The following CUBN variants were observed in gnomAD, a reference collection of about 807,000 sequenced individuals.
CUBN encodes the protein 460 kDa receptor.
A neutral mutation model predicts 405.3 loss-of-function variants in CUBN; 282 were observed. That is an observed-to-expected ratio of 0.70 (90% confidence interval 0.63 to 0.77). CUBN has a LOEUF of 0.77. CUBN is among the 30% of genes least tolerant of loss of function. The pLI, the probability that CUBN is intolerant of heterozygous loss-of-function variation, is 0.00. For missense variants in CUBN, 4,514 were observed against 4,475.2 expected, an observed-to-expected ratio of 1.01 and a Z score of -0.25; for synonymous variants, 1,684 against 1,617.0, an observed-to-expected ratio of 1.04 and a Z score of -0.99.
In CUBN at chr10:17,040,779, A is replaced by G. The variant is rs899099784; in HGVS notation, c.4017+254T>C. 4.6e-5 allele frequency among the ~76,000 whole-genome samples: 7 copies of G among 152,196 alleles called. No homozygotes were observed. In the South Asian group the frequency reaches 1.2e-3, roughly 27 times the overall value. ...AAATAGAGGTTATTACTCTCCTTCC[A>G]TGTAAGTTAAGTAATATGAGGTCAA... is the stretch of plus-strand genomic sequence containing the variant. On this transcript the variant is annotated intron_variant, in intron 27 of 66. Coordinates refer to ENST00000377833, the MANE Select transcript of CUBN (RefSeq NM_001081.4).
rs149758972 is a variant in CUBN, at chr10:17,071,930, G to C, written c.2343C>G (p.Asn781Lys). ...TGGATTTAATGTGAGAGATGGTTCC[G>C]TTGCCACAGACTTTTCCAAGTAAGG... The part of the protein sequence containing the change: ...GETLLGKVCG[N>K]GTISHIKSIT... Residue 781 changes from asparagine (N) to lysine (K), a missense_variant, in exon 18 of 67, where the codon AAC (asparagine) becomes AAG (lysine). Physicochemically the swap from Asn to Lys is moderately conservative, Grantham distance 94. Around this residue, in one of 5 missense-constraint regions of CUBN, gnomAD observed 1,448 missense variants for 1,388.0 expected, o/e 1.04. Coordinates refer to ENST00000377833, the MANE Select transcript of CUBN (RefSeq NM_001081.4). The C allele has an allele frequency of 2.5e-6, 4 of 1,612,906 alleles. No individual in the cohort carries two copies. Among genetic ancestry groups the C allele is most frequent in the Non-Finnish European group, 3.4e-6 (4 of 1,179,500 alleles).
At position 16,925,396 on chromosome 10, in the gene CUBN, G is replaced by A; in HGVS notation, c.6491C>T (p.Pro2164Leu). 6.2e-7 allele frequency: 1 copy of A among 1,613,926 alleles called. No individual in the cohort carries two copies. ...VLRNGPDICS[P>L]PLGPPGGNGH... ...ATTTCCTCCAGGGGGTCCCAAGGGTGGAGAACAGATATCAGGACCATTTCT... is the reference window on the plus strand; with the variant it reads ...ATTTCCTCCAGGGGGTCCCAAGGGTAGAGAACAGATATCAGGACCATTTCT... Residue 2164 changes from proline (P) to leucine (L), a missense_variant, in exon 43 of 67, where the codon CCA (proline) becomes CTA (leucine). Coordinates refer to ENST00000377833, the MANE Select transcript of CUBN (RefSeq NM_001081.4).
intron 27 of CUBN, among the ~76,000 whole-genome samples, chr10:17,031,027 A>G (rs1157319947): frequency 1.3e-5 from 2 of 152,242 alleles, no homozygotes; most frequent in Admixed American, 1.3e-4. Context: ...TGATAGGGAC[A>G]ATACGAACAC....
At chr10:17,021,780 C>T (rs1208337793) in intron 27 of CUBN, among the ~76,000 whole-genome samples, 1 of 90,762 alleles carries the variant, frequency 1.1e-5, no homozygotes, top group Non-Finnish European at 2.2e-5. Flanking sequence ...ATTAGTCTGC[C>T]TTTGAAAGCC....
intron 56 of CUBN, among the ~76,000 whole-genome samples, chr10:16,884,261 C>T (rs959937395): frequency 4.6e-5 from 7 of 152,132 alleles, no homozygotes; most frequent in Middle Eastern, 3.2e-3. Flanking sequence ...GAATTACAGG[C>T]GTGAGCCACC....
At chr10:17,062,520 G>A (rs780019122) in intron 22 of CUBN, among the ~76,000 whole-genome samples, 1 of 152,142 alleles carries the variant, frequency 6.6e-6, no homozygotes, top group East Asian at 1.9e-4. Context: ...TAAGAACTTC[G>A]TAAGAGTTTT....
intron 27 of CUBN, among the ~76,000 whole-genome samples, chr10:17,024,018 A>C (rs1237040070): frequency 2.2e-5 from 3 of 133,838 alleles, no homozygotes; most frequent in Non-Finnish European, 4.6e-5. Context: ...TCCTCTTGAC[A>C]CACTCAGAGA....
In CUBN at chr10:17,114,085, G is replaced by T; in HGVS notation, c.825C>A (p.Ser275=). ...GAGTGTTGAAACACTGCACAAGTGTGGAGCAAGGCCCGGGCTGGAAGCTGC... is the reference window on the plus strand; with the variant it reads ...GAGTGTTGAAACACTGCACAAGTGTTGAGCAAGGCCCGGGCTGGAAGCTGC... ...DECSFQPGPC[S]TLVQCFNTQG... The change falls in exon 8 of 67, where the codon TCC becomes TCA. Residue 275 remains serine, a synonymous_variant. Coordinates refer to ENST00000377833, the MANE Select transcript of CUBN (RefSeq NM_001081.4). 1 of 1,613,266 alleles carries T rather than the reference G, an allele frequency of 6.2e-7. No homozygotes were observed. The highest frequency in any genetic ancestry group is 1.1e-5 in the South Asian group (1 of 90,758).
At chr10:17,008,092 A>G (rs1305463372) in intron 28 of CUBN, among the ~76,000 whole-genome samples, 1 of 152,180 alleles carries the variant, frequency 6.6e-6, no homozygotes, top group East Asian at 1.9e-4. Flanking sequence ...CTGAGGCTGC[A>G]GTGAGCTGAG....
At chr10:17,037,761 A>G (rs1341578296) in intron 27 of CUBN, among the ~76,000 whole-genome samples, 1 of 152,202 alleles carries the variant, frequency 6.6e-6, no homozygotes, top group Non-Finnish European at 1.5e-5. Flanking sequence ...AGAGCCTCAG[A>G]ATTCAGGGAC....
chr10:16,973,928 C>T (rs3012502), intron 31 of CUBN, among the ~76,000 whole-genome samples: 122,913 of 152,082 alleles, frequency 0.81, 50,626 homozygotes, highest in Non-Finnish European at 0.9. Context: ...CCTTTGCTAT[C>T]GTGGACAGTG....
At chr10:16,844,471 A>G (rs1185843477) in intron 60 of CUBN, among the ~76,000 whole-genome samples, 2 of 152,136 alleles carry the variant, frequency 1.3e-5, no homozygotes, top group African/African-American at 2.4e-5. Context: ...AGTTCCATAC[A>G]TTTCATCCAA....
At chr10:16,865,039 G>GC (rs1451202458) in intron 59 of CUBN, among the ~76,000 whole-genome samples, 1 of 138,762 alleles carries the variant, frequency 7.2e-6, no homozygotes, top group African/African-American at 2.8e-5. Context: ...TGGGTCACTG[G>GC]GTCACTGCAA....
chr10:17,118,598 G>C (rs553513920), intron 6 of CUBN, among the ~76,000 whole-genome samples: 1 of 152,268 alleles, frequency 6.6e-6, no homozygotes, highest in South Asian at 2.1e-4. Context: ...CAGCACGTAA[G>C]CTAAGTATTG....
At chr10:17,093,432 C>T (rs942950082) in intron 14 of CUBN, among the ~76,000 whole-genome samples, 2 of 152,048 alleles carry the variant, frequency 1.3e-5, no homozygotes, top group African/African-American at 2.4e-5. Flanking sequence ...GAAAAGTATG[C>T]TACAGGAGTA....
intron 53 of CUBN, among the ~76,000 whole-genome samples, chr10:16,899,673 T>A (rs1841300318): frequency 6.6e-6 from 1 of 152,158 alleles, no homozygotes; most frequent in Non-Finnish European, 1.5e-5. Flanking sequence ...TGAAACTGAC[T>A]GATGGATCAA....
At chr10:16,855,676 T>C (rs192445342) in intron 59 of CUBN, among the ~76,000 whole-genome samples, 4 of 152,332 alleles carry the variant, frequency 2.6e-5, no homozygotes, top group Admixed American at 6.5e-5. Flanking sequence ...GTCATGGTAA[T>C]AGCAGACTAA....
intron 10 of CUBN, among the ~76,000 whole-genome samples, chr10:17,107,996 T>G (rs1318459020): frequency 2.0e-5 from 3 of 152,148 alleles, no homozygotes; most frequent in Non-Finnish European, 4.4e-5. Flanking sequence ...AGTAGAAATT[T>G]TTTAAGTTTC....
chr10:16,990,378 A>T lies in CUBN; in HGVS notation c.4306T>A (p.Phe1436Ile). Residue 1436 changes from phenylalanine to isoleucine, a missense_variant, in exon 29 of 67, where the codon TTC becomes ATC. Transcript: ENST00000377833. Reference protein sequence around the residue: ...GSSIQLTIHDFDVEYHSRCNF... With the variant: ...GSSIQLTIHDIDVEYHSRCNF... ...CACCTTGAATGATACTCCACATCGA[A>T]GTCATGGATGGTGAGCTGAATGCTA... 1.2e-6 allele frequency: 2 copies of T among 1,614,160 alleles called. No individual in the cohort carries two copies. The highest frequency in any genetic ancestry group is 3.3e-4 in the Middle Eastern group (2 of 6,062).
Sources: gnomAD v4.1 joint callset for allele counts (sites outside exome capture counted in the v4.1 genomes callset) on GRCh38, gnomAD v4.1.1 for gene constraint, gnomAD v4.1.1 regional missense constraint, MANE v1.5 for transcripts, NCBI Gene and HGNC (gene_info 2026-07-23, HGNC 2026-07-21) for gene names.